Variants in KLC2 observed in about 807,000 individuals in gnomAD.
KLC2 encodes the protein KLC 2.
A neutral mutation model predicts 75.1 loss-of-function variants in KLC2; 35 were observed. The observed-to-expected ratio is 0.47, with a 90% CI of 0.36 to 0.62. KLC2 has a LOEUF of 0.62. KLC2 is among the 20% of genes least tolerant of loss of function. The probability of loss-of-function intolerance (pLI) is 0.00; values close to 1 mark genes in which losing one functional copy is unlikely to be tolerated. For synonymous variants in KLC2, 314 were observed against 336.7 expected (o/e 0.93, Z 0.74); for missense variants, 611 against 833.2 (o/e 0.73, Z 3.28).
At chr11:66,247,123 C>T in the KLC2 span, among the ~76,000 whole-genome samples, 2 of 152,174 alleles carry the variant, frequency 1.3e-5, no homozygotes, top group Non-Finnish European at 2.9e-5. Flanking sequence ...CTCCTCGATT[C>T]CTGTTTCTCT....
At position 66,263,874 on chromosome 11, in the gene KLC2, G is replaced by A. The variant is rs1275837608; in HGVS notation, c.864G>A (p.Leu288=). Residue 288 remains leucine, a synonymous_variant, in exon 7 of 16, where the codon CTG becomes CTA. Coordinates refer to ENST00000394067, the MANE Select transcript of KLC2 (RefSeq NM_001318734.2). The stretch of plus-strand genomic sequence containing the variant: ...AGGTGGCTGCGACACTAAACAACCT[G>A]GCAGTCCTGTATGGCAAGAGGGGCA... The part of the protein sequence containing the change: ...HPAVAATLNN[L]AVLYGKRGKY... 4.3e-6 allele frequency: 7 copies of A among 1,614,078 alleles called. No individual in the cohort carries two copies. The Admixed American group carries it at 1.2e-4, about 27-fold the overall frequency.
In KLC2 at chr11:66,263,882, T is replaced by C; in HGVS notation, c.872T>C (p.Leu291Pro). 6.2e-7 allele frequency: 1 copy of C among 1,614,106 alleles called. No homozygotes were observed. The highest frequency in any genetic ancestry group is 8.5e-7 in the Non-Finnish European group (1 of 1,180,006). The change falls in exon 7 of 16, where the codon CTG becomes CCG. Residue 291 changes from leucine (L) to proline (P), a missense_variant. By Grantham distance (98) the Leu-to-Pro change is moderately conservative. Transcript: ENST00000394067. ...VAATLNNLAV[L>P]YGKRGKYKEA... is the part of the protein sequence containing the mutation. ...GCGACACTAAACAACCTGGCAGTCCTGTATGGCAAGAGGGGCAAGTACAAG... is the reference window on the plus strand; with the variant it reads ...GCGACACTAAACAACCTGGCAGTCCCGTATGGCAAGAGGGGCAAGTACAAG...
At position 66,264,183 on chromosome 11, in the gene KLC2, C is replaced by G; in HGVS notation, c.1080C>G (p.Pro360=). ...AGATCTATGCTACACGCCTCGGGCC[C>G]GATGACCCCAATGTGGCCAAGACCA... The part of the protein sequence containing the change: ...ALEIYATRLG[P]DDPNVAKTKN... The change falls in exon 8 of 16, where the codon CCC becomes CCG. Residue 360 remains proline (P), a synonymous_variant. Transcript: ENST00000394067. 1 of 1,570,976 alleles carries G rather than the reference C, an allele frequency of 6.4e-7. No homozygotes were observed. The highest frequency in any genetic ancestry group is 8.6e-7 in the Non-Finnish European group (1 of 1,157,146).
At chr11:66,252,309 A>G (rs532912974), upstream of KLC2, among the ~76,000 whole-genome samples, 26 of 152,278 alleles carry the variant, frequency 1.7e-4, no homozygotes, top group South Asian at 1.0e-3. Context: ...TTTTTGAGAC[A>G]GAGTCTCGCT....
chr11:66,255,653 A>G (rs1437516346), upstream of KLC2, among the ~76,000 whole-genome samples: 1 of 152,188 alleles, frequency 6.6e-6, no homozygotes, highest in Non-Finnish European at 1.5e-5. Flanking sequence ...AACATAATCA[A>G]TGGACATAAG....
At chr11:66,264,897 T>C (rs1856705989) in intron 9 of KLC2, 126 bp from the exon 10 acceptor site, 7 of 812,742 alleles carry the variant, frequency 8.6e-6, no homozygotes, top group Non-Finnish European at 1.4e-5. Context: ...TTTTGGGTCT[T>C]ACTCTTGTTC....
chr11:66,256,676 A>G (rs181643744), upstream of KLC2, among the ~76,000 whole-genome samples: 71 of 152,296 alleles, frequency 4.7e-4, no homozygotes, highest in African/African-American at 1.7e-3. Flanking sequence ...TCACTTAAAA[A>G]AAACCATTGG....
intron 2 of KLC2, among the ~76,000 whole-genome samples, chr11:66,259,329 G>A (rs1025918183): frequency 6.6e-6 from 1 of 152,252 alleles, no homozygotes; most frequent in African/African-American, 2.4e-5. Flanking sequence ...GCAGCAGCGA[G>A]TCTTGTCTAC....
In KLC2 at chr11:66,265,689, G is replaced by A. The variant is rs774467279; in HGVS notation, c.1369G>A (p.Ala457Thr). The change falls in exon 12 of 16, where the codon GCC (alanine) becomes ACC (threonine). Residue 457 changes from alanine to threonine, a missense_variant. Physicochemically the swap from Ala to Thr is moderately conservative, Grantham distance 58. Transcript: ENST00000394067. ...TVNTTLRSLG[A>T]LYRRQGKLEA... The stretch of plus-strand genomic sequence containing the variant: ...CAACACCACCCTGCGCAGCTTGGGG[G>A]CCCTATACCGGCGCCAGGGCAAGCT... The A allele has an allele frequency of 1.2e-6, 2 of 1,613,906 alleles. No homozygotes were observed. Among genetic ancestry groups the A allele is most frequent in the East Asian group, 4.5e-5 (2 of 44,876 alleles).
rs778523101 is a variant in KLC2, at chr11:66,263,815, G to C, written c.841-36G>C. The C allele has an allele frequency of 1.9e-6, 3 of 1,606,790 alleles. No homozygotes were observed. In the South Asian group the frequency reaches 3.3e-5, roughly 18 times the overall value. ...CCTGCAGGTCCCAGAGTCCTGCAGG[G>C]CCTGAGTCAAGAAGCTTCCGTTCTC... On this transcript the variant is annotated intron_variant, in intron 6 of 15. Coordinates refer to ENST00000394067, the MANE Select transcript of KLC2 (RefSeq NM_001318734.2).
chr11:66,264,321 A>G lies in KLC2; in HGVS notation c.1117-24A>G, dbSNP rs754320117. ...AGGCTTGGCTGCATGCATCCCGCTC[A>G]CTCTCTGGGTCTCCCGCTTCCAGGC... On this transcript the variant is annotated intron_variant, in intron 8 of 15. Coordinates refer to ENST00000394067, the MANE Select transcript of KLC2 (RefSeq NM_001318734.2). 11 of 1,600,496 alleles carry G rather than the reference A, an allele frequency of 6.9e-6. No individual in the cohort carries two copies. The South Asian group carries it at 1.2e-4, about 18-fold the overall frequency.
chr11:66,263,204 G>C, intron 5 of KLC2, 168 bp downstream of exon 5: 1 of 607,986 alleles, frequency 1.6e-6, no homozygotes, highest in Non-Finnish European at 2.9e-6. Flanking sequence ...CAGAACTGGG[G>C]AGGGACTGCA....
In KLC2 at chr11:66,265,891, T is replaced by C. The variant is rs1159278640; in HGVS notation, c.1481T>C (p.Leu494Pro). 2 of 1,578,660 alleles carry C rather than the reference T, an allele frequency of 1.3e-6. No homozygotes were observed. Among genetic ancestry groups the C allele is most frequent in the Non-Finnish European group, 1.7e-6 (2 of 1,159,220 alleles). Residue 494 changes from leucine (L) to proline (P), a missense_variant, in exon 13 of 16, where the codon CTG becomes CCG. Leu to Pro is a moderately conservative substitution (Grantham distance 98). Transcript: ENST00000394067. ...DPASQTKVVE[L>P]LKDGSGRRGD... ...GCAAGCCAGACCAAGGTGGTAGAAC[T>C]GCTGAAAGATGGCAGTGGCAGGCGG...
intron 2 of KLC2, 102 bp from the exon 3 acceptor site, chr11:66,261,640 G>A: frequency 1.4e-6 from 1 of 693,418 alleles, no homozygotes; most frequent in Non-Finnish European, 2.5e-6. Context: ...GTAGGGCCAG[G>A]CCTGGCCCTT....
Position 66,264,198 on chromosome 11 carries a change from G to T in KLC2, c.1095G>T (p.Val365=). The change falls in exon 8 of 16, where the codon GTG becomes GTT. Residue 365 remains valine (V), a synonymous_variant. Coordinates refer to ENST00000394067, the MANE Select transcript of KLC2 (RefSeq NM_001318734.2). ...ATRLGPDDPN[V]AKTKNNLASC... ...GCCTCGGGCCCGATGACCCCAATGT[G>T]GCCAAGACCAAGAACAACCTGGTAC... 6.4e-7 allele frequency: 1 copy of T among 1,570,872 alleles called. No individual in the cohort carries two copies. Among genetic ancestry groups the T allele is most frequent in the Non-Finnish European group, 8.6e-7 (1 of 1,157,002 alleles).
chr11:66,266,604 C>T (rs764010901), intron 15 of KLC2, 114 bp downstream of exon 15: 1 of 1,191,498 alleles, frequency 8.4e-7, no homozygotes, highest in Non-Finnish European at 1.2e-6. Context: ...GGCTCTGTCT[C>T]AGGCCTACTT....
intron 4 of KLC2, chr11:66,262,533 G>C: frequency 3.6e-6 from 2 of 559,150 alleles, no homozygotes; most frequent in Non-Finnish European, 6.4e-6. Flanking sequence ...TTTGCTGATG[G>C]TACTGGTTAT....
chr11:66,251,474 C>T, the KLC2 span, among the ~76,000 whole-genome samples: 14 of 129,198 alleles, frequency 1.1e-4, 1 homozygote, highest in African/African-American at 3.5e-4. Flanking sequence ...CCTGGGCAGG[C>T]GACAGAGTGA....
At chr11:66,258,384 C>G (rs1856157952) in intron 1 of KLC2, 200 bp from the exon 2 acceptor site, 1 of 582,168 alleles carries the variant, frequency 1.7e-6, no homozygotes, top group African/African-American at 1.9e-5. Context: ...TCCGGCTGCA[C>G]CGCATTGCGT....
Sources: gnomAD v4.1 joint callset for allele counts (sites outside exome capture counted in the v4.1 genomes callset) on GRCh38, gnomAD v4.1.1 for gene constraint, MANE v1.5 for transcripts, NCBI Gene and HGNC (gene_info 2026-07-23, HGNC 2026-07-21) for gene names.